Variants in QKI observed in about 807,000 individuals in gnomAD.
The protein encoded by QKI is KH domain-containing RNA-binding protein QKI.
A neutral mutation model predicts 39.0 loss-of-function variants in QKI; 10 were observed. The ratio of observed to expected loss-of-function variants is 0.26; its 90% CI spans 0.16 to 0.43. The LOEUF (loss-of-function observed/expected upper bound fraction) is 0.43. QKI is among the 20% of genes least tolerant of loss of function. QKI has a pLI of 1.00. For synonymous variants in QKI, 204 were observed against 155.4 expected, an observed-to-expected ratio of 1.31 and a Z score of -2.33; for missense variants, 218 against 428.0, an observed-to-expected ratio of 0.51 and a Z score of 4.33.
At chr6:163,454,466 A>T (rs1443830343) in intron 1 of QKI, among the ~76,000 whole-genome samples, 2 of 152,130 alleles carry the variant, frequency 1.3e-5, no homozygotes, top group Non-Finnish European at 2.9e-5. Context: ...AACTTCTCTG[A>T]TCACCAGTGG....
At chr6:163,428,597 G>GT (rs1235788585) in intron 1 of QKI, among the ~76,000 whole-genome samples, 9 of 152,054 alleles carry the variant, frequency 5.9e-5, no homozygotes, top group African/African-American at 2.2e-4. Context: ...CATACTGTTA[G>GT]CTTTTTTAGT....
chr6:163,430,570 A>G lies in QKI; in HGVS notation c.142+15235A>G, dbSNP rs551558852. ...TGATCAGGAGCATGGAGGAATAGGT[A>G]CATCTGGATTAGCGAGTGTGTGAAT... On this transcript the variant is annotated intron_variant, in intron 1 of 7. Coordinates refer to ENST00000361752, the MANE Select transcript of QKI (RefSeq NM_006775.3). 2.6e-5 allele frequency among the ~76,000 whole-genome samples: 4 copies of G among 152,252 alleles called. No homozygotes were observed. In the East Asian group the frequency reaches 7.7e-4, roughly 29 times the overall value.
chr6:163,569,666 G>T, intron 7 of QKI: 1 of 999,124 alleles, frequency 1.0e-6, no homozygotes, highest in Non-Finnish European at 1.2e-6. Flanking sequence ...AAGTTTTTTT[G>T]TCCTTTTTGT....
chr6:163,518,367 C>G (rs1050125715), intron 3 of QKI, among the ~76,000 whole-genome samples: 5 of 152,038 alleles, frequency 3.3e-5, no homozygotes, highest in Non-Finnish European at 5.9e-5. Flanking sequence ...TCAGGATGGA[C>G]AGATACAAAT....
intron 3 of QKI, among the ~76,000 whole-genome samples, chr6:163,483,780 C>T (rs1488413000): frequency 6.6e-6 from 1 of 152,192 alleles, no homozygotes; most frequent in Non-Finnish European, 1.5e-5. Flanking sequence ...GATATTTTGA[C>T]CTCTCTCCAT....
chr6:163,421,311 A>G (rs1444486272), intron 1 of QKI, among the ~76,000 whole-genome samples: 2 of 152,224 alleles, frequency 1.3e-5, no homozygotes, highest in South Asian at 2.1e-4. Context: ...CTTTACTTAA[A>G]TAGTATAGTT....
chr6:163,445,183 G>A (rs1790053128), intron 1 of QKI, among the ~76,000 whole-genome samples: 1 of 152,182 alleles, frequency 6.6e-6, no homozygotes. Flanking sequence ...TAATGTGGAT[G>A]TTAACTCATA....
intron 3 of QKI, among the ~76,000 whole-genome samples, chr6:163,488,349 GAGAA>G (rs1279856724): frequency 6.6e-6 from 1 of 152,068 alleles, no homozygotes; most frequent in Non-Finnish European, 1.5e-5. Context: ...GAGAGAGAGA[GAGAA>G]AGAAATAGTG....
rs773982571 is a variant in QKI, at chr6:163,455,346, A to C, written c.210A>C (p.Ala70=). 2 of 1,613,192 alleles carry C rather than the reference A, an allele frequency of 1.2e-6. No homozygotes were observed. Among genetic ancestry groups the C allele is most frequent in the Non-Finnish European group, 1.7e-6 (2 of 1,179,158 alleles). The part of the protein sequence containing the change: ...TLNGSTEKRS[A]ELPDAVGPIV... ...ATGGCAGTACAGAGAAAAGGAGTGC[A>C]GAATTGCCTGATGCTGTGGGACCTA... Residue 70 remains alanine (A), a synonymous_variant, in exon 2 of 8, where the codon GCA becomes GCC. Transcript: ENST00000361752.
At chr6:163,483,306 C>G (rs756120834) in intron 3 of QKI, among the ~76,000 whole-genome samples, 23 of 152,214 alleles carry the variant, frequency 1.5e-4, no homozygotes, top group Non-Finnish European at 1.8e-4. Context: ...GCTGACTGAT[C>G]AGGGTGGTGG....
intron 1 of QKI, among the ~76,000 whole-genome samples, chr6:163,437,956 A>G (rs783138): frequency 0.19 from 28,571 of 152,170 alleles, 3,125 homozygotes; most frequent in Middle Eastern, 0.28. Flanking sequence ...TTTGACGGTC[A>G]TTTTCATAAG....
At chr6:163,495,400 C>T (rs549963051) in intron 3 of QKI, among the ~76,000 whole-genome samples, 26 of 152,138 alleles carry the variant, frequency 1.7e-4, no homozygotes, top group African/African-American at 5.8e-4. Flanking sequence ...TGAGCATGCG[C>T]GTGTGTGTCT....
intron 4 of QKI, among the ~76,000 whole-genome samples, chr6:163,547,120 A>C (rs990130824): frequency 1.3e-5 from 2 of 152,186 alleles, no homozygotes; most frequent in African/African-American, 4.8e-5. Flanking sequence ...GTAATTTATG[A>C]ATTCTCCTGT....
At chr6:163,529,048 TAA>T (rs909345520) in intron 3 of QKI, among the ~76,000 whole-genome samples, 4 of 152,096 alleles carry the variant, frequency 2.6e-5, no homozygotes, top group African/African-American at 9.7e-5. Context: ...GGTTTTAGAG[TAA>T]AAGATAAGCA....
In QKI at chr6:163,569,834, T is replaced by C. The variant is rs142412009; in HGVS notation, c.1010-860T>C. The C allele has an allele frequency of 4.1e-6, 4 of 986,726 alleles. No homozygotes were observed. The African/African-American group carries it at 5.2e-5, about 13-fold the overall frequency. 61.1% of individuals were successfully genotyped at this position (986,726 alleles called of 1,614,324 possible). A position where few individuals can be genotyped will look rare whatever the true frequency, so the allele number is the denominator to read the frequency against. Reference sequence around the variant, plus strand: ...TGTTTGTAGTTTTAAAATGCCTTATTGGTATCAATTAGAAATTTCTTCTAT... The same window carrying C: ...TGTTTGTAGTTTTAAAATGCCTTATCGGTATCAATTAGAAATTTCTTCTAT... On this transcript the variant is annotated intron_variant, in intron 7 of 7. Transcript: ENST00000361752.
intron 2 of QKI, among the ~76,000 whole-genome samples, chr6:163,458,285 G>A (rs1000443993): frequency 6.6e-6 from 1 of 152,166 alleles, no homozygotes; most frequent in African/African-American, 2.4e-5. Context: ...TCTCATTTCT[G>A]TAATGGAGAT....
intron 1 of QKI, among the ~76,000 whole-genome samples, chr6:163,417,736 TTGCTATCTTTAG>T (rs1787643613): frequency 6.6e-6 from 1 of 152,226 alleles, no homozygotes; most frequent in African/African-American, 2.4e-5. Flanking sequence ...ATCTCTTGTC[TTGCTATCTTTAG>T]TTTTAGCCTT....
At chr6:163,489,527 C>T (rs143600230) in intron 3 of QKI, among the ~76,000 whole-genome samples, 30 of 150,542 alleles carry the variant, frequency 2.0e-4, no homozygotes, top group Non-Finnish European at 2.2e-4. Context: ...GTTTGTAGTG[C>T]GTTTTTTAAT....
At position 163,563,696 on chromosome 6, in the gene QKI, CT is replaced by C. The variant is rs1783173377; in HGVS notation, c.912del (p.Ile305LeufsTer7). 6.2e-7 allele frequency: 1 copy of C among 1,613,906 alleles called. No individual in the cohort carries two copies. The highest frequency in any genetic ancestry group is 8.5e-7 in the Non-Finnish European group (1 of 1,179,928). On this transcript the variant is annotated frameshift_variant, in exon 6 of 8. Transcript: ENST00000361752. LOFTEE classifies it high-confidence loss of function. ...LAPATSILEY[P>X]IEPSGVLGAV... ...CCAGCTACATCAATCCTTGAGTATC[CT>C]ATTGAACCTAGTGGTGTATTAGGTA...
Sources: gnomAD v4.1 joint callset for allele counts (sites outside exome capture counted in the v4.1 genomes callset) on GRCh38, gnomAD v4.1.1 for gene constraint, MANE v1.5 for transcripts, NCBI Gene and HGNC (gene_info 2026-07-23, HGNC 2026-07-21) for gene names.